Variants in DOT1L observed in about 807,000 individuals in gnomAD.
The protein encoded by DOT1L is DOT1 like histone lysine methyltransferase.
DOT1L carries 33 observed loss-of-function variants against 153.3 expected under a neutral mutation model. The ratio of observed to expected loss-of-function variants is 0.22; its 90% CI spans 0.16 to 0.29. The LOEUF (loss-of-function observed/expected upper bound fraction) is 0.29, where lower values mean the gene tolerates loss of function less well. DOT1L is among the 10% of genes least tolerant of loss of function. DOT1L has a pLI of 1.00. For missense variants in DOT1L, 1,847 were observed against 2,119.9 expected (o/e 0.87, Z 2.53); for synonymous variants, 1,135 against 965.1 (o/e 1.18, Z -3.26).
At chr19:2,181,577 G>A (rs75788601) in intron 2 of DOT1L, among the ~76,000 whole-genome samples, 5,888 of 145,494 alleles carry the variant, frequency 0.04, 377 homozygotes, top group African/African-American at 0.14. Flanking sequence ...TGTGTAGGTC[G>A]GCCAGGGTGG....
chr19:2,177,487 A>G (rs79840206), intron 1 of DOT1L, among the ~76,000 whole-genome samples: 1 of 152,002 alleles, frequency 6.6e-6, no homozygotes, highest in East Asian at 1.9e-4. Context: ...AGTACTACTA[A>G]CAATTTTTAT....
chr19:2,232,320 A>G lies in DOT1L; in HGVS notation c.*2528A>G. 4.7e-6 allele frequency: 1 copy of G among 211,278 alleles called. No homozygotes were observed. The highest frequency in any genetic ancestry group is 9.5e-6 in the Non-Finnish European group (1 of 104,804). The allele number at this position is 211,278 out of a possible 1,614,324, so 13.1% of individuals were successfully genotyped here. A position where few individuals can be genotyped will look rare whatever the true frequency, so the allele number is the denominator to read the frequency against. The stretch of plus-strand genomic sequence containing the variant: ...GCCCCCAGGATGCGTCAGTCTGTTC[A>G]GTGGTCAGCAGGCCCCCCACCCCCC... On this transcript the variant is annotated 3_prime_UTR_variant, in exon 28 of 28. Coordinates refer to ENST00000398665, the MANE Select transcript of DOT1L (RefSeq NM_032482.3).
chr19:2,188,029 G>A (rs1021855519), intron 3 of DOT1L, among the ~76,000 whole-genome samples: 1 of 151,984 alleles, frequency 6.6e-6, no homozygotes, highest in African/African-American at 2.4e-5. Context: ...GGTTCCTCCG[G>A]CCCGCATGGT....
intron 2 of DOT1L, among the ~76,000 whole-genome samples, chr19:2,184,895 G>C (rs2022419565): frequency 6.6e-6 from 1 of 152,182 alleles, no homozygotes; most frequent in African/African-American, 2.4e-5. Context: ...GGATAGTGGG[G>C]TGTGTTGGTC....
At chr19:2,166,198 G>A (rs1015044577) in intron 1 of DOT1L, among the ~76,000 whole-genome samples, 1 of 152,058 alleles carries the variant, frequency 6.6e-6, no homozygotes, top group African/African-American at 2.4e-5. Flanking sequence ...CCGGGTTCAA[G>A]CGATTCTCCT....
At chr19:2,211,273 G>A (rs946428183) in intron 15 of DOT1L, 61 bp downstream of exon 15, 71 of 1,435,180 alleles carry the variant, frequency 4.9e-5, no homozygotes, top group East Asian at 2.3e-4. Context: ...CAGGAGGACC[G>A]TGGGTTGTGA....
rs377506676 is a variant in DOT1L, at chr19:2,216,712, G to A, written c.2355G>A (p.Leu785=). Residue 785 remains leucine (L), a synonymous_variant, in exon 20 of 28, where the codon CTG becomes CTA. Transcript: ENST00000398665. ...SPAKIVLRRH[L]SQDHTVPGRP... ...CCAAGATTGTGCTGAGGCGGCACCT[G>A]AGCCAGGACCACACGGTGCCCGGCA... The A allele has an allele frequency of 1.0e-5, 16 of 1,601,432 alleles. No homozygotes were observed. The highest frequency in any genetic ancestry group is 8.5e-6 in the Non-Finnish European group (10 of 1,179,428).
chr19:2,230,421 G>A lies in DOT1L; in HGVS notation c.*629G>A, dbSNP rs1340532360. ...GAACCCCCAGACTGTTCACCCTCCGGGGCGTGGGTTGCGCCCTTGCATGTG... is the reference window on the plus strand; with the variant it reads ...GAACCCCCAGACTGTTCACCCTCCGAGGCGTGGGTTGCGCCCTTGCATGTG... On this transcript the variant is annotated 3_prime_UTR_variant, in exon 28 of 28. Coordinates refer to ENST00000398665, the MANE Select transcript of DOT1L (RefSeq NM_032482.3). The A allele has an allele frequency of 5.7e-5, 23 of 400,334 alleles. No homozygotes were observed. The East Asian group carries it at 8.2e-4, about 14-fold the overall frequency. 24.8% of individuals were successfully genotyped at this position (400,334 alleles called of 1,614,324 possible).
In DOT1L at chr19:2,214,102, TC is replaced by T; in HGVS notation, c.1797+119del. 8.3e-6 allele frequency: 12 copies of T among 1,452,812 alleles called. No homozygotes were observed. The South Asian group carries it at 1.1e-4, about 13-fold the overall frequency. 90.0% of individuals were successfully genotyped at this position (1,452,812 alleles called of 1,614,324 possible). A position where few individuals can be genotyped will look rare whatever the true frequency, so the allele number is the denominator to read the frequency against. ...GGCCCGCCTCTGTTGTGGGGTTTGT[TC>T]CCAGACGAATTGCGCCACCTGTGAA... On this transcript the variant is annotated intron_variant, in intron 18 of 27. Coordinates refer to ENST00000398665, the MANE Select transcript of DOT1L (RefSeq NM_032482.3).
chr19:2,230,486 C>G lies in DOT1L; in HGVS notation c.*694C>G. On this transcript the variant is annotated 3_prime_UTR_variant, in exon 28 of 28. Coordinates refer to ENST00000398665, the MANE Select transcript of DOT1L (RefSeq NM_032482.3). ...GTGACGCAGCTGGCCATGTGCTGCG[C>G]GATGGTGCTGTGAGGACGGCGCGGG... 2.5e-6 allele frequency: 1 copy of G among 399,094 alleles called. No homozygotes were observed. The highest frequency in any genetic ancestry group is 3.6e-5 in the East Asian group (1 of 28,084). The allele number at this position is 399,094 out of a possible 1,614,324, so 24.7% of individuals were successfully genotyped here.
At chr19:2,227,164 GC>G in intron 27 of DOT1L, 37 bp downstream of exon 27, 3 of 1,575,486 alleles carry the variant, frequency 1.9e-6, no homozygotes, top group Non-Finnish European at 2.6e-6. Flanking sequence ...CCCCGCCCCG[GC>G]CCCCGCCGGA....
Position 2,207,241 on chromosome 19 carries a change from G to A in DOT1L, c.857-333G>A, listed in dbSNP as rs1329477920. On this transcript the variant is annotated intron_variant, in intron 10 of 27. Transcript: ENST00000398665. This position sits in a 1 kb window ranked among gnomAD's most constrained non-coding sequence, Gnocchi z 4.5. ...CCTCTGAGGGGCTTCCCTGAGGAGC[G>A]CCCACCCGGGAGGTGCCTGTGTTGC... 1.3e-5 allele frequency among the ~76,000 whole-genome samples: 2 copies of A among 152,230 alleles called. No individual in the cohort carries two copies. The highest frequency in any genetic ancestry group is 2.9e-5 in the Non-Finnish European group (2 of 68,028).
At chr19:2,178,543 G>A (rs1318599643) in intron 1 of DOT1L, among the ~76,000 whole-genome samples, 1 of 150,806 alleles carries the variant, frequency 6.6e-6, no homozygotes, top group Non-Finnish European at 1.5e-5. Context: ...TCTGCCTCCC[G>A]AGTAGCTGGA....
chr19:2,228,073 C>T (rs1393482205), intron 27 of DOT1L: 3 of 1,324,770 alleles, frequency 2.3e-6, no homozygotes, highest in Admixed American at 4.4e-5. Flanking sequence ...CAGAGCCTCG[C>T]GTCCCTCCCG....
chr19:2,228,236 G>C, intron 27 of DOT1L: 4 of 1,362,596 alleles, frequency 2.9e-6, no homozygotes, highest in Non-Finnish European at 3.9e-6. Flanking sequence ...CCCTGGCCCA[G>C]GCCGCGCCCG....
In DOT1L at chr19:2,222,502, G is replaced by A. The variant is rs781639859; in HGVS notation, c.3333G>A (p.Pro1111=). 45 of 1,581,304 alleles carry A rather than the reference G, an allele frequency of 2.8e-5. No homozygotes were observed. The highest frequency in any genetic ancestry group is 2.4e-4 in the South Asian group (21 of 88,774). ...AGVSPKRRAL[P]SVAGLFTQPS... Reference sequence around the variant, plus strand: ...TGTCCCCCAAGCGCCGAGCCCTGCCGTCCGTCGCTGGCCTTTTCACACAGC... The same window carrying A: ...TGTCCCCCAAGCGCCGAGCCCTGCCATCCGTCGCTGGCCTTTTCACACAGC... Residue 1111 remains proline, a synonymous_variant, in exon 24 of 28, where the codon CCG becomes CCA. Transcript: ENST00000398665. The surrounding 1 kb of genome is among the most constrained non-coding windows in gnomAD (Gnocchi z 6.5).
At chr19:2,224,978 C>T (rs762120532) in intron 25 of DOT1L, among the ~76,000 whole-genome samples, 1 of 152,222 alleles carries the variant, frequency 6.6e-6, no homozygotes, top group Non-Finnish European at 1.5e-5. Flanking sequence ...CATGTCTTCA[C>T]GTGCTGGCCT....
intron 7 of DOT1L, among the ~76,000 whole-genome samples, chr19:2,196,369 G>A (rs111286332): frequency 2.4e-4 from 37 of 152,346 alleles, no homozygotes; most frequent in East Asian, 9.6e-4. Flanking sequence ...GTCTTGTTCT[G>A]TCGCCCAGGC....
At chr19:2,225,342 G>A in intron 25 of DOT1L, 46 bp from the exon 26 acceptor site, 1 of 1,565,812 alleles carries the variant, frequency 6.4e-7, no homozygotes, top group Non-Finnish European at 8.8e-7. Context: ...GTCATTCTTA[G>A]TATGCAGCTG....
Sources: gnomAD v4.1 joint callset for allele counts (sites outside exome capture counted in the v4.1 genomes callset) on GRCh38, gnomAD v4.1.1 for gene constraint, Gnocchi (gnomAD v3.1) non-coding constraint, MANE v1.5 for transcripts, NCBI Gene and HGNC (gene_info 2026-07-23, HGNC 2026-07-21) for gene names.